Variants in LCP1 observed in about 807,000 individuals in gnomAD.
The protein encoded by LCP1 is plastin-2.
A neutral mutation model predicts 72.0 loss-of-function variants in LCP1; 23 were observed. The ratio of observed to expected loss-of-function variants is 0.32; its 90% confidence interval spans 0.23 to 0.45. The LOEUF is 0.45. Among genes scored for constraint, LCP1 ranks in the 20% least tolerant of loss-of-function variants. LCP1 has a pLI of 1.00. For missense variants in LCP1, 571 were observed against 748.3 expected, an observed-to-expected ratio of 0.76 and a Z score of 2.76; for synonymous variants, 245 against 275.4, an observed-to-expected ratio of 0.89 and a Z score of 1.09.
At chr13:46,131,240 A>G (rs1274798829) in intron 14 of LCP1, among the ~76,000 whole-genome samples, 3 of 152,228 alleles carry the variant, frequency 2.0e-5, no homozygotes, top group Non-Finnish European at 2.9e-5. Flanking sequence ...CAAGCATATG[A>G]AAAAATGCAA....
intron 1 of LCP1, among the ~76,000 whole-genome samples, chr13:46,161,941 A>G (rs1157004242): frequency 6.6e-6 from 1 of 152,202 alleles, no homozygotes; most frequent in Non-Finnish European, 1.5e-5. Context: ...AAATCTTCAC[A>G]CAGGCTTTAA....
At position 46,159,646 on chromosome 13, in the gene LCP1, A is replaced by G. The variant is rs769377480; in HGVS notation, c.17T>C (p.Val6Ala). 110 of 1,614,020 alleles carry G rather than the reference A, an allele frequency of 6.8e-5. No individual in the cohort carries two copies. The highest frequency in any genetic ancestry group is 9.3e-5 in the African/African-American group (7 of 74,942). The change falls in exon 2 of 16, where the codon GTG becomes GCG. Residue 6 changes from valine to alanine, a missense_variant. Val to Ala is a moderately conservative substitution (Grantham distance 64). Transcript: ENST00000323076. MARGS[V>A]SDEEMMELRE... is the part of the protein sequence containing the mutation. ...GAGCTCCATCATTTCCTCATCGGAC[A>G]CTGATCCTCTGGCCATTTTTTATTG...
intron 1 of LCP1, among the ~76,000 whole-genome samples, chr13:46,161,783 C>A (rs1281019282): frequency 6.6e-6 from 1 of 152,110 alleles, no homozygotes; most frequent in Non-Finnish European, 1.5e-5. Flanking sequence ...TGCCTAAGAC[C>A]CCGCATGTTT....
chr13:46,158,486 C>T, intron 4 of LCP1, 36 bp downstream of exon 4: 1 of 1,606,226 alleles, frequency 6.2e-7, no homozygotes, highest in South Asian at 1.1e-5. Context: ...AATCTGTAAT[C>T]CTGAAATCCT....
intron 1 of LCP1, among the ~76,000 whole-genome samples, chr13:46,179,606 G>C (rs899755727): frequency 1.3e-5 from 2 of 152,156 alleles, no homozygotes; most frequent in Admixed American, 1.3e-4. Context: ...TATGTTTCTT[G>C]AAGTCCGCCT....
At chr13:46,163,457 C>T (rs2045857683) in intron 1 of LCP1, among the ~76,000 whole-genome samples, 2 of 152,164 alleles carry the variant, frequency 1.3e-5, no homozygotes, top group South Asian at 4.1e-4. Context: ...TAAGAGTCAT[C>T]ACCACTCCCT....
chr13:46,152,728 CG>C, intron 7 of LCP1, 51 bp downstream of exon 7: 1 of 1,575,354 alleles, frequency 6.3e-7, no homozygotes, highest in Non-Finnish European at 8.6e-7. Context: ...GTCCCCAACG[CG>C]TAAGTTATTA....
intron 13 of LCP1, among the ~76,000 whole-genome samples, chr13:46,135,108 C>A (rs1270297106): frequency 3.9e-3 from 374 of 97,032 alleles, no homozygotes; most frequent in African/African-American, 5.0e-3. Context: ...GACTCTGTCT[C>A]AAAAAAAAAA....
chr13:46,142,718 T>C (rs928499475), intron 12 of LCP1: 4 of 518,832 alleles, frequency 7.7e-6, no homozygotes, highest in Non-Finnish European at 1.5e-5. Flanking sequence ...CCATCCTTAA[T>C]TACCTACATG....
At chr13:46,165,154 C>CT (rs1210304921) in intron 1 of LCP1, among the ~76,000 whole-genome samples, 5 of 152,090 alleles carry the variant, frequency 3.3e-5, no homozygotes, top group African/African-American at 1.2e-4. Flanking sequence ...GCACGGATTG[C>CT]TTTGAGCTTA....
At chr13:46,135,532 C>T (rs536748392) in intron 13 of LCP1, among the ~76,000 whole-genome samples, 1 of 152,290 alleles carries the variant, frequency 6.6e-6, no homozygotes, top group African/African-American at 2.4e-5. Flanking sequence ...AAGAGCAATG[C>T]CCTGCTTCTT....
chr13:46,133,633 A>T (rs1037726127), intron 14 of LCP1, among the ~76,000 whole-genome samples: 1 of 152,150 alleles, frequency 6.6e-6, no homozygotes, highest in African/African-American at 2.4e-5. Context: ...CACAAAAAAC[A>T]GATATGAAAA....
In LCP1 at chr13:46,138,683, G is replaced by A. The variant is rs758410524; in HGVS notation, c.1502+3609C>T. ...TTTTTCTGAGACAGAGTCTCGCTCCGTCACCCAGGCTGGAGTGCAGTGGCA... is the reference window on the plus strand; with the variant it reads ...TTTTTCTGAGACAGAGTCTCGCTCCATCACCCAGGCTGGAGTGCAGTGGCA... On this transcript the variant is annotated intron_variant, in intron 13 of 15. Transcript: ENST00000323076. 2.9e-4 allele frequency among the ~76,000 whole-genome samples: 44 copies of A among 152,260 alleles called. No individual in the cohort carries two copies. The South Asian group carries it at 4.1e-3, about 14-fold the overall frequency.
intron 6 of LCP1, among the ~76,000 whole-genome samples, chr13:46,154,423 A>T (rs1021670921): frequency 6.6e-6 from 1 of 152,248 alleles, no homozygotes; most frequent in African/African-American, 2.4e-5. Context: ...CAAAATTACT[A>T]TGAAGGCTGC....
At chr13:46,139,606 T>G (rs971744587) in intron 13 of LCP1, among the ~76,000 whole-genome samples, 2 of 152,214 alleles carry the variant, frequency 1.3e-5, no homozygotes, top group African/African-American at 4.8e-5. Context: ...GGATGTAAGA[T>G]TCTTGCCTTG....
At position 46,126,515 on chromosome 13, in the gene LCP1, T is replaced by C. The variant is rs1389204085; in HGVS notation, c.*1076A>G. On this transcript the variant is annotated 3_prime_UTR_variant, in exon 16 of 16. Transcript: ENST00000323076. ...ATTGATTGGCACATATTGTCCCCCC[T>C]GGAGTTTAGGGGTGGCAGAAAGCTT... 1 of 232,360 alleles carries C rather than the reference T, an allele frequency of 4.3e-6. No individual in the cohort carries two copies. Among genetic ancestry groups the C allele is most frequent in the African/African-American group, 2.2e-5 (1 of 45,288 alleles). 14.4% of individuals were successfully genotyped at this position (232,360 alleles called of 1,614,324 possible). A position where few individuals can be genotyped will look rare whatever the true frequency, so the allele number is the denominator to read the frequency against.
chr13:46,144,477 G>A lies in LCP1; in HGVS notation c.1218C>T (p.Ser406=). The A allele has an allele frequency of 1.2e-6, 2 of 1,613,914 alleles. No individual in the cohort carries two copies. The highest frequency in any genetic ancestry group is 1.7e-6 in the Non-Finnish European group (2 of 1,179,822). ...GATTGACTCGAGGGTTAACACCCAG[G>A]GAGTTCATCCAGTTCCTAAATGTCC... The part of the protein sequence containing the change: ...EERTFRNWMN[S]LGVNPRVNHL... The change falls in exon 11 of 16, where the codon TCC becomes TCT. Residue 406 remains serine, a synonymous_variant. Transcript: ENST00000323076.
chr13:46,137,638 C>T (rs2045672965), intron 13 of LCP1, among the ~76,000 whole-genome samples: 1 of 152,168 alleles, frequency 6.6e-6, no homozygotes, highest in Admixed American at 6.5e-5. Flanking sequence ...CTAATTTGGC[C>T]TGTGTCTTTC....
chr13:46,134,722 A>G (rs974704235), intron 13 of LCP1, among the ~76,000 whole-genome samples: 1 of 152,238 alleles, frequency 6.6e-6, no homozygotes, highest in Non-Finnish European at 1.5e-5. Flanking sequence ...GTCTGAAGGT[A>G]AGAATTACCT....
Sources: gnomAD v4.1 joint callset for allele counts (sites outside exome capture counted in the v4.1 genomes callset) on GRCh38, gnomAD v4.1.1 for gene constraint, MANE v1.5 for transcripts, NCBI Gene and HGNC (gene_info 2026-07-23, HGNC 2026-07-21) for gene names.